IP6K3: variants seen among roughly 807,000 people sequenced by gnomAD.
IP6K3 encodes the protein ATP:1D-myo-inositol-hexakisphosphate phosphotransferase.
Under a neutral mutation model 28.8 loss-of-function variants are expected in IP6K3, and 20 were observed. That is an observed-to-expected ratio of 0.70 (90% CI 0.49 to 1.01). IP6K3 has a LOEUF of 1.01. Ranked by LOEUF, IP6K3 falls within the 50% of genes least tolerant of loss-of-function variation. The probability of loss-of-function intolerance (pLI) is 0.00; values close to 1 mark genes in which losing one functional copy is unlikely to be tolerated. For missense variants in IP6K3, 480 were observed against 537.1 expected (o/e 0.89, Z 1.05); for synonymous variants, 213 against 221.3 (o/e 0.96, Z 0.33).
chr6:33,735,887 A>G (rs1766506423), intron 1 of IP6K3, among the ~76,000 whole-genome samples: 2 of 152,178 alleles, frequency 1.3e-5, no homozygotes, highest in African/African-American at 4.8e-5. Context: ...TATTTATTTA[A>G]GATGTGGTCT....
intron 4 of IP6K3, among the ~76,000 whole-genome samples, 154 bp downstream of exon 4, chr6:33,726,577 G>A (rs1241890535): frequency 6.6e-6 from 1 of 152,158 alleles, no homozygotes; most frequent in African/African-American, 2.4e-5. Flanking sequence ...GGGTTTGAGG[G>A]CTTGTGCCTT....
Position 33,725,559 on chromosome 6 carries a change from A to C in IP6K3, c.647T>G (p.Leu216Arg). The C allele has an allele frequency of 6.2e-7, 1 of 1,614,160 alleles. No homozygotes were observed. Among genetic ancestry groups the C allele is most frequent in the Non-Finnish European group, 8.5e-7 (1 of 1,180,014 alleles). ...SQYTHPCVLD[L>R]KMGTRQHGDD... Reference sequence around the variant, plus strand: ...GCCGTGCTGCCGGGTCCCCATCTTCAGATCCAGGACACAGGGATGCGTGTA... The same window carrying C: ...GCCGTGCTGCCGGGTCCCCATCTTCCGATCCAGGACACAGGGATGCGTGTA... Residue 216 changes from leucine (L) to arginine (R), a missense_variant, in exon 5 of 6, where the codon CTG becomes CGG. Coordinates refer to ENST00000293756, the MANE Select transcript of IP6K3 (RefSeq NM_054111.5).
the IP6K3 span, among the ~76,000 whole-genome samples, chr6:33,759,826 T>C: frequency 9.6e-4 from 145 of 150,950 alleles, no homozygotes; most frequent in African/African-American, 3.5e-3. Context: ...TGAGCCAAGA[T>C]TGCGCCACTG....
At chr6:33,748,763 G>A (rs1006936476), upstream of IP6K3, among the ~76,000 whole-genome samples, 6 of 151,796 alleles carry the variant, frequency 4.0e-5, no homozygotes, top group East Asian at 3.9e-4. Flanking sequence ...CCACTGTGTG[G>A]ATGGACGTGG....
In IP6K3 at chr6:33,744,078, G is replaced by T. The variant is rs1229018457; in HGVS notation, c.-180+2680C>A. On this transcript the variant is annotated intron_variant, in intron 1 of 5. Transcript: ENST00000293756. The surrounding 1 kb of genome is among the most constrained non-coding windows in gnomAD (Gnocchi z 4.4). ...CAAGTGCCACTGGAAGGGCTGCTCT[G>T]GGGGAGGCAGAGGCTGCGAGGGCTT... is the stretch of plus-strand genomic sequence containing the variant. Among the ~76,000 whole-genome samples, 1 of 152,158 alleles carries T rather than the reference G, an allele frequency of 6.6e-6. No homozygotes were observed. Among genetic ancestry groups the T allele is most frequent in the African/African-American group, 2.4e-5 (1 of 41,420 alleles).
At position 33,721,757 on chromosome 6, in the gene IP6K3, A is replaced by G. The variant is rs2967; in HGVS notation, c.*963T>C. The G allele has an allele frequency of 0.67, 102,679 of 152,492 alleles. 36,476 individuals are homozygous for G. The highest frequency in any genetic ancestry group is 0.97 in the East Asian group (5,013 of 5,186). 9.4% of individuals were successfully genotyped at this position (152,492 alleles called of 1,614,324 possible). On this transcript the variant is annotated 3_prime_UTR_variant, in exon 6 of 6. Coordinates refer to ENST00000293756, the MANE Select transcript of IP6K3 (RefSeq NM_054111.5). ...CTCAAGGGCATCGTAATAGGTTTCC[A>G]TACTGCAGAAGAAGGAATTAATTAG...
chr6:33,728,358 C>T (rs1766200494), intron 2 of IP6K3, 58 bp from the exon 3 acceptor site: 3 of 1,492,466 alleles, frequency 2.0e-6, no homozygotes, highest in Non-Finnish European at 2.8e-6. Flanking sequence ...TCCACACGGA[C>T]ATGCAGGAGT....
At chr6:33,748,592 T>C (rs926219654), upstream of IP6K3, among the ~76,000 whole-genome samples, 1 of 144,620 alleles carries the variant, frequency 6.9e-6, no homozygotes, top group Non-Finnish European at 1.5e-5. Context: ...TAAGCCATAA[T>C]TGATCATGCC....
At position 33,722,147 on chromosome 6, in the gene IP6K3, C is replaced by T. The variant is rs920661371; in HGVS notation, c.*573G>A. On this transcript the variant is annotated 3_prime_UTR_variant, in exon 6 of 6. Coordinates refer to ENST00000293756, the MANE Select transcript of IP6K3 (RefSeq NM_054111.5). ...TGCCAGAGCTCATGCCTGGGCTTGG[C>T]TTTGTCCACTTAGAAGCTGGGTGCA... The T allele has an allele frequency of 6.6e-6, 1 of 152,274 alleles. No homozygotes were observed. Among genetic ancestry groups the T allele is most frequent in the Non-Finnish European group, 1.5e-5 (1 of 68,106 alleles). 9.4% of individuals were successfully genotyped at this position (152,274 alleles called of 1,614,324 possible). A position where few individuals can be genotyped will look rare whatever the true frequency, so the allele number is the denominator to read the frequency against.
At chr6:33,723,432 G>A (rs1369305156) in intron 5 of IP6K3, among the ~76,000 whole-genome samples, 1 of 152,246 alleles carries the variant, frequency 6.6e-6, no homozygotes, top group African/African-American at 2.4e-5. Context: ...TCACCCCACA[G>A]AGGTGACCCT....
At chr6:33,760,909 C>G in the IP6K3 span, among the ~76,000 whole-genome samples, 1 of 152,084 alleles carries the variant, frequency 6.6e-6, no homozygotes, top group Non-Finnish European at 1.5e-5. Flanking sequence ...CCTGCTCTCT[C>G]GATGGGCCTC....
At chr6:33,728,376 A>C in intron 2 of IP6K3, 76 bp from the exon 3 acceptor site, 1 of 1,388,170 alleles carries the variant, frequency 7.2e-7, no homozygotes, top group Non-Finnish European at 1.0e-6. Context: ...AGTGATGACG[A>C]GTTGGGAATT....
the IP6K3 span, among the ~76,000 whole-genome samples, chr6:33,758,040 A>C: frequency 2.0e-5 from 3 of 152,238 alleles, no homozygotes; most frequent in South Asian, 6.2e-4. Flanking sequence ...CCAATTCTGG[A>C]GAGTGGTGGA....
the IP6K3 span, among the ~76,000 whole-genome samples, chr6:33,759,498 G>C: frequency 1.4e-4 from 21 of 152,150 alleles, no homozygotes; most frequent in African/African-American, 5.1e-4. Context: ...CCGAAGCGTG[G>C]GGTTTACAGG....
rs773030740 is a variant in IP6K3, at chr6:33,722,909, AGC to A, written c.1042_1043del (p.Ala348SerfsTer7). ...GAGAGCTACCGTGGGCTGCCTGGGGAGCCTCGTGAGGATGCGGGCTGCCTGGG... is the reference window on the plus strand; with the variant it reads ...GAGAGCTACCGTGGGCTGCCTGGGGACTCGTGAGGATGCGGGCTGCCTGGG... The part of the protein sequence containing the change: ...RAPGSPHPHE[A>X]PQAAHGSSPG... On this transcript the variant is annotated frameshift_variant, in exon 6 of 6. Transcript: ENST00000293756. LOFTEE classifies it low-confidence loss of function (END_TRUNC). 2.0e-5 allele frequency: 32 copies of A among 1,612,818 alleles called. No homozygotes were observed. In the East Asian group the frequency reaches 4.2e-4, roughly 21 times the overall value.
chr6:33,753,217 C>G, the IP6K3 span, among the ~76,000 whole-genome samples: 1 of 152,200 alleles, frequency 6.6e-6, no homozygotes, highest in East Asian at 1.9e-4. Context: ...CACGCTTGAC[C>G]TATTATTTTT....
At position 33,735,400 on chromosome 6, in the gene IP6K3, C is replaced by T. The variant is rs1352148975; in HGVS notation, c.77G>A (p.Gly26Glu). 2 of 1,607,798 alleles carry T rather than the reference C, an allele frequency of 1.2e-6. No individual in the cohort carries two copies. The highest frequency in any genetic ancestry group is 3.4e-5 in the Admixed American group (2 of 59,452). Residue 26 changes from glycine to glutamate, a missense_variant, in exon 2 of 6, where the codon GGG becomes GAG. Gly to Glu is a moderately conservative substitution (Grantham distance 98). Transcript: ENST00000293756. Reference protein sequence around the residue: ...VQLEPFLHQVGGHMSVMKYDE... With the variant: ...VQLEPFLHQVEGHMSVMKYDE... ...ATACTTCATCACGCTCATGTGCCCC[C>T]CGACCTGGTGCAGGAAGGGCTCCAG...
intron 5 of IP6K3, 126 bp downstream of exon 5, chr6:33,725,315 T>C: frequency 1.1e-6 from 1 of 899,840 alleles, no homozygotes. Flanking sequence ...GCTCCTGGCC[T>C]CCTCTGTGGC....
intron 2 of IP6K3, among the ~76,000 whole-genome samples, chr6:33,732,168 G>A (rs1168835776): frequency 1.3e-5 from 2 of 152,238 alleles, no homozygotes; most frequent in African/African-American, 4.8e-5. Flanking sequence ...AGCCTGGCAG[G>A]AGAGGGATGC....
Sources: allele counts gnomAD v4.1 joint callset (sites outside exome capture counted in the v4.1 genomes callset), GRCh38; gene constraint gnomAD v4.1.1; non-coding constraint Gnocchi (gnomAD v3.1); transcripts MANE v1.5; gene names NCBI Gene and HGNC (gene_info 2026-07-23, HGNC 2026-07-21).